The following AIMP1 variants were observed in gnomAD, a reference collection of about 807,000 sequenced individuals.
AIMP1 encodes aminoacyl tRNA synthetase complex interacting multifunctional protein 1.
AIMP1 carries 24 observed loss-of-function variants against 33.1 expected under a neutral mutation model. The ratio of observed to expected loss-of-function variants is 0.73; its 90% CI spans 0.53 to 1.02. The LOEUF (loss-of-function observed/expected upper bound fraction) is 1.02, where lower values mean the gene tolerates loss of function less well. Among genes scored for constraint, AIMP1 ranks in the 50% least tolerant of loss-of-function variants. The pLI, the probability that AIMP1 is intolerant of heterozygous loss-of-function variation, is 0.00. For synonymous variants in AIMP1, 120 were observed against 121.5 expected (o/e 0.99, Z 0.08); for missense variants, 367 against 364.8 (o/e 1.01, Z -0.05).
intron 4 of AIMP1, among the ~76,000 whole-genome samples, chr4:106,330,685 A>G (rs967852641): frequency 1.3e-5 from 2 of 152,230 alleles, no homozygotes; most frequent in Admixed American, 6.5e-5. Context: ...GTGCCTTGAC[A>G]ACATGGACTG....
intron 1 of AIMP1, among the ~76,000 whole-genome samples, chr4:106,323,984 A>G (rs975112122): frequency 6.6e-6 from 1 of 152,136 alleles, no homozygotes; most frequent in South Asian, 2.1e-4. Flanking sequence ...ATGAGCCAAC[A>G]GATCTAGACA....
intron 6 of AIMP1, among the ~76,000 whole-genome samples, chr4:106,341,370 G>T (rs1770095415): frequency 6.6e-6 from 1 of 151,924 alleles, no homozygotes. Flanking sequence ...TTTGCCAAGG[G>T]TGATATTGAG....
intron 6 of AIMP1, among the ~76,000 whole-genome samples, chr4:106,344,187 G>C (rs6848803): frequency 0.32 from 49,274 of 151,888 alleles, 8,126 homozygotes; most frequent in Non-Finnish European, 0.34. Flanking sequence ...GATTCTTACT[G>C]TTATAGGGCC....
At chr4:106,336,691 T>G (rs1769896408) in intron 5 of AIMP1, among the ~76,000 whole-genome samples, 178 bp from the exon 6 acceptor site, 1 of 152,176 alleles carries the variant, frequency 6.6e-6, no homozygotes, top group Non-Finnish European at 1.5e-5. Context: ...AATTTTTTTT[T>G]CATGTTTATG....
intron 6 of AIMP1, among the ~76,000 whole-genome samples, chr4:106,343,655 C>T (rs1579647200): frequency 6.6e-6 from 1 of 152,118 alleles, no homozygotes; most frequent in Non-Finnish European, 1.5e-5. Context: ...CATGATTTCT[C>T]AGAGATGCCT....
In AIMP1 at chr4:106,347,849, T is replaced by G; in HGVS notation, c.*157T>G. The G allele has an allele frequency of 1.4e-6, 1 of 694,560 alleles. No individual in the cohort carries two copies. The allele number at this position is 694,560 out of a possible 1,614,324, so 43.0% of individuals were successfully genotyped here. A position where few individuals can be genotyped will look rare whatever the true frequency, so the allele number is the denominator to read the frequency against. ...CTTGGTATATATTGTTTTCATTGAT[T>G]GGGGAAACACTAGATTTTTACCTCG... On this transcript the variant is annotated 3_prime_UTR_variant, in exon 7 of 7. Transcript: ENST00000672341.
At chr4:106,333,704 T>C (rs1769764997) in intron 5 of AIMP1, among the ~76,000 whole-genome samples, 1 of 152,180 alleles carries the variant, frequency 6.6e-6, no homozygotes, top group Non-Finnish European at 1.5e-5. Flanking sequence ...TATAGTGAAA[T>C]TAGAGCTGGG....
At chr4:106,318,606 A>C (rs550967501) in intron 1 of AIMP1, among the ~76,000 whole-genome samples, 146 of 152,308 alleles carry the variant, frequency 9.6e-4, no homozygotes, top group Non-Finnish European at 1.9e-3. Context: ...ATGTATTTTT[A>C]AGTTGTTGAC....
chr4:106,348,115 A>G lies in AIMP1; in HGVS notation c.*423A>G, dbSNP rs1339755074. 2 of 160,740 alleles carry G rather than the reference A, an allele frequency of 1.2e-5. No homozygotes were observed. Among genetic ancestry groups the G allele is most frequent in the Non-Finnish European group, 2.7e-5 (2 of 73,598 alleles). The allele number at this position is 160,740 out of a possible 1,614,324, so 10.0% of individuals were successfully genotyped here. A position where few individuals can be genotyped will look rare whatever the true frequency, so the allele number is the denominator to read the frequency against. ...CTTTTCAAAAATGACAGGTTGGAAA[A>G]TGTTTGTCAGACTTATTAACTGGTC... On this transcript the variant is annotated 3_prime_UTR_variant, in exon 7 of 7. Coordinates refer to ENST00000672341, the MANE Select transcript of AIMP1 (RefSeq NM_001142416.2).
At chr4:106,338,941 A>G (rs1003547745) in intron 6 of AIMP1, among the ~76,000 whole-genome samples, 2 of 152,202 alleles carry the variant, frequency 1.3e-5, no homozygotes, top group African/African-American at 4.8e-5. Context: ...CATGGCGTCA[A>G]AGGAGATCAT....
intron 5 of AIMP1, among the ~76,000 whole-genome samples, chr4:106,332,639 A>G (rs1476747427): frequency 6.7e-6 from 1 of 148,620 alleles, no homozygotes; most frequent in Non-Finnish European, 1.5e-5. Flanking sequence ...ATACATATAT[A>G]TATAAGTTGG....
intron 4 of AIMP1, 104 bp from the exon 5 acceptor site, chr4:106,331,568 A>T (rs1358993089): frequency 1.0e-6 from 1 of 953,630 alleles, no homozygotes; most frequent in Non-Finnish European, 1.6e-6. Flanking sequence ...CATTCTTTTT[A>T]TTTTTTCCTT....
chr4:106,327,637 A>G (rs895596117), intron 3 of AIMP1, 73 bp downstream of exon 3: 34 of 1,126,948 alleles, frequency 3.0e-5, no homozygotes, highest in Non-Finnish European at 4.3e-5. Flanking sequence ...GTGAGGAAAG[A>G]AGTAAGAATC....
chr4:106,321,579 G>C lies in AIMP1; in HGVS notation c.-25-3406G>C, dbSNP rs993084830. The stretch of plus-strand genomic sequence containing the variant: ...CGGCAGCGGCCCCGTCCGGGAGGTG[G>C]GGGGCAGCCCCCGCCCGGCCGGCGC... On this transcript the variant is annotated intron_variant, in intron 1 of 6. Transcript: ENST00000672341. 41 of 153,932 alleles carry C rather than the reference G, an allele frequency of 2.7e-4. No individual in the cohort carries two copies. The Admixed American group carries it at 2.7e-3, about 10-fold the overall frequency. The allele number at this position is 153,932 out of a possible 1,614,324, so 9.5% of individuals were successfully genotyped here. A position where few individuals can be genotyped will look rare whatever the true frequency, so the allele number is the denominator to read the frequency against.
chr4:106,330,411 T>A (rs2125923435), intron 4 of AIMP1, among the ~76,000 whole-genome samples: 1 of 152,260 alleles, frequency 6.6e-6, no homozygotes, highest in Non-Finnish European at 1.5e-5. Context: ...TTTTGAAAAA[T>A]TTTTGCTAAT....
intron 5 of AIMP1, among the ~76,000 whole-genome samples, chr4:106,333,003 A>G (rs1328069846): frequency 1.3e-5 from 2 of 151,802 alleles, no homozygotes; most frequent in African/African-American, 4.8e-5. Context: ...TTCAGAACTA[A>G]GCCCCACCCC....
rs1008334585 is a variant in AIMP1 at position 106,349,405 on chromosome 4, G to A, written c.*1713G>A. Among the ~76,000 whole-genome samples the A allele has an allele frequency of 3.8e-4, 58 of 151,794 alleles. No homozygotes were observed. Among genetic ancestry groups the A allele is most frequent in the African/African-American group, 1.2e-3 (51 of 41,408 alleles). On this transcript the variant is annotated 3_prime_UTR_variant, in exon 7 of 7. Transcript: ENST00000672341. ...TGAAACCTAAACTGATGATTAAATCGTTCATCAAACCTAGAGATAATAAAA... is the reference window on the plus strand; with the variant it reads ...TGAAACCTAAACTGATGATTAAATCATTCATCAAACCTAGAGATAATAAAA...
intron 1 of AIMP1, among the ~76,000 whole-genome samples, chr4:106,322,498 A>G (rs1769301710): frequency 6.6e-6 from 1 of 152,186 alleles, no homozygotes; most frequent in Non-Finnish European, 1.5e-5. Flanking sequence ...ATTAATCAAC[A>G]AGTATTAGAA....
chr4:106,317,541 C>T (rs992097102), intron 1 of AIMP1, among the ~76,000 whole-genome samples: 7 of 152,052 alleles, frequency 4.6e-5, no homozygotes, highest in African/African-American at 1.7e-4. Context: ...TTGCAATAAT[C>T]CAGAGGAAGC....
Sources: gnomAD v4.1 joint callset for allele counts (sites outside exome capture counted in the v4.1 genomes callset) on GRCh38, gnomAD v4.1.1 for gene constraint, MANE v1.5 for transcripts, NCBI Gene and HGNC (gene_info 2026-07-23, HGNC 2026-07-21) for gene names.